Variants in SGCB observed in about 807,000 individuals in gnomAD.
The protein encoded by SGCB is beta-sarcoglycan.
A neutral mutation model predicts 27.3 loss-of-function variants in SGCB; 25 were observed. The ratio of observed to expected loss-of-function variants is 0.92; its 90% CI spans 0.67 to 1.28. The LOEUF (loss-of-function observed/expected upper bound fraction) is 1.28, where lower values mean the gene tolerates loss of function less well. Among genes scored for constraint, SGCB ranks in the 50% most tolerant of loss-of-function variants. The pLI, the probability that SGCB is intolerant of heterozygous loss-of-function variation, is 0.00. For missense variants in SGCB, 436 were observed against 402.1 expected (o/e 1.08, Z -0.72); for synonymous variants, 147 against 133.5 (o/e 1.10, Z -0.70).
intron 5 of SGCB, among the ~76,000 whole-genome samples, chr4:52,024,827 CAAAAAAAAAAAAAAAAA>C (rs3050627): frequency 1.8e-5 from 1 of 55,878 alleles, no homozygotes; most frequent in Admixed American, 2.5e-4. Flanking sequence ...GACACTGTCT[CAAAAAAAAAAAAAAAAA>C]AAAAAAAAAA....
At chr4:52,033,709 C>A in intron 1 of SGCB, 69 bp from the exon 2 acceptor site, 2 of 1,182,936 alleles carry the variant, frequency 1.7e-6, no homozygotes, top group Non-Finnish European at 2.5e-6. Flanking sequence ...CTATTAGGTG[C>A]AAATTCATAG....
chr4:52,030,584 G>A (rs1190952032), intron 2 of SGCB, among the ~76,000 whole-genome samples: 2 of 152,080 alleles, frequency 1.3e-5, no homozygotes, highest in African/African-American at 4.8e-5. Flanking sequence ...CTGTAGGTCT[G>A]AGCCTCTCAG....
Position 52,029,835 on chromosome 4 carries a change from C to G in SGCB, c.272G>C (p.Arg91Pro), listed in dbSNP as rs104893869. Residue 91 changes from arginine to proline, a missense_variant, in exon 3 of 6, where the codon CGC becomes CCC. Arg to Pro is a moderately radical substitution (Grantham distance 103). Coordinates refer to ENST00000381431, the MANE Select transcript of SGCB (RefSeq NM_000232.5). Reference protein sequence around the residue: ...IITLVIWAVIRIGPNGCDSME... With the variant: ...IITLVIWAVIPIGPNGCDSME... ...ACTATCACAGCCATTTGGTCCAATG[C>G]GAATCACGGCCCAAATAACAAGTGT... is the stretch of plus-strand genomic sequence containing the variant. 1 of 1,613,542 alleles carries G rather than the reference C, an allele frequency of 6.2e-7. No individual in the cohort carries two copies. Among genetic ancestry groups the G allele is most frequent in the Non-Finnish European group, 8.5e-7 (1 of 1,179,684 alleles).
At chr4:52,032,049 T>C (rs1370341466) in intron 2 of SGCB, 5 of 437,076 alleles carry the variant, frequency 1.1e-5, no homozygotes, top group African/African-American at 8.2e-5. Context: ...ACCCAACCCC[T>C]ACCCTCCAGT....
intron 5 of SGCB, among the ~76,000 whole-genome samples, chr4:52,027,223 T>C (rs1737122269): frequency 6.6e-6 from 1 of 152,142 alleles, no homozygotes; most frequent in African/African-American, 2.4e-5. Context: ...ATATTGCAGG[T>C]ACCCAAAGGC....
At chr4:52,031,880 G>T in intron 2 of SGCB, 1 of 455,964 alleles carries the variant, frequency 2.2e-6, no homozygotes, top group Non-Finnish European at 4.4e-6. Context: ...CTTGCCAAAT[G>T]ACAGTATCTT....
At chr4:52,028,253 T>C (rs1363984913) in intron 4 of SGCB, among the ~76,000 whole-genome samples, 154 bp from the exon 5 acceptor site, 1 of 152,250 alleles carries the variant, frequency 6.6e-6, no homozygotes, top group African/African-American at 2.4e-5. Context: ...TAAAGATGAC[T>C]TGATAATGAT....
At position 52,033,442 on chromosome 4, in the gene SGCB, T is replaced by A; in HGVS notation, c.232A>T (p.Ile78Phe). 6.2e-7 allele frequency: 1 copy of A among 1,609,236 alleles called. No homozygotes were observed. The highest frequency in any genetic ancestry group is 8.5e-7 in the Non-Finnish European group (1 of 1,175,532). The change falls in exon 2 of 6, where the codon ATC becomes TTC. Residue 78 changes from isoleucine (I) to phenylalanine (F), a missense_variant. By Grantham distance (21) the Ile-to-Phe change is conservative. Coordinates refer to ENST00000381431, the MANE Select transcript of SGCB (RefSeq NM_000232.5). ...VIILLFILAVINLIITLVIWA... is the reference protein window; with the variant it reads ...VIILLFILAVFNLIITLVIWA... ...TTACAAATACTCACTATTAAATTGA[T>A]GACAGCCAGGATAAACAAGAGGATA... is the stretch of plus-strand genomic sequence containing the variant.
Position 52,022,101 on chromosome 4 carries a change from T to C in SGCB, c.*1856A>G, listed in dbSNP as rs1398962286. The C allele has an allele frequency of 6.6e-6, 1 of 152,208 alleles. No homozygotes were observed. The highest frequency in any genetic ancestry group is 1.5e-5 in the Non-Finnish European group (1 of 68,040). 9.4% of individuals were successfully genotyped at this position (152,208 alleles called of 1,614,324 possible). ...CGGCATTTTTTTCTGAATTCAGACA[T>C]TAAATGATACTGAATATATTCAAAT... On this transcript the variant is annotated 3_prime_UTR_variant, in exon 6 of 6. Transcript: ENST00000381431.
At chr4:52,033,717 T>C in intron 1 of SGCB, 77 bp from the exon 2 acceptor site, 2 of 1,094,220 alleles carry the variant, frequency 1.8e-6, no homozygotes, top group South Asian at 1.2e-5. Context: ...TGCAAATTCA[T>C]AGCTATAGCA....
In SGCB at chr4:52,021,202, C is replaced by G. The variant is rs907260438; in HGVS notation, c.*2755G>C. On this transcript the variant is annotated 3_prime_UTR_variant, in exon 6 of 6. Transcript: ENST00000381431. ...AACTAGCATGTACCTGCGCCCCCTC[C>G]CGGGGTCCTATCTTTGTCACCCACC... 3 of 152,182 alleles carry G rather than the reference C, an allele frequency of 2.0e-5. No homozygotes were observed. Among genetic ancestry groups the G allele is most frequent in the African/African-American group, 7.2e-5 (3 of 41,436 alleles). 9.4% of individuals were successfully genotyped at this position (152,182 alleles called of 1,614,324 possible). A position where few individuals can be genotyped will look rare whatever the true frequency, so the allele number is the denominator to read the frequency against.
rs201931208 is a variant in SGCB at position 52,028,745 on chromosome 4, C to G, written c.606G>C (p.Lys202Asn). ...PSGVKSLNVQKASTERITSNA... is the reference protein window; with the variant it reads ...PSGVKSLNVQNASTERITSNA... Reference sequence around the variant, plus strand: ...TAAATCATACCCTTTCAGTAGATGCCTTTTGAACATTCAAACTTTTCACTC... The same window carrying G: ...TAAATCATACCCTTTCAGTAGATGCGTTTTGAACATTCAAACTTTTCACTC... Residue 202 changes from lysine to asparagine, a missense_variant, in exon 4 of 6, where the codon AAG becomes AAC. By Grantham distance (94) the Lys-to-Asn change is moderately conservative. Transcript: ENST00000381431. 8 of 1,611,486 alleles carry G rather than the reference C, an allele frequency of 5.0e-6. No homozygotes were observed. The highest frequency in any genetic ancestry group is 8.5e-7 in the Non-Finnish European group (1 of 1,177,854).
chr4:52,024,111 AGGC>A lies in SGCB; in HGVS notation c.800_802del (p.Arg267del). On this transcript the variant is annotated inframe_deletion, in exon 6 of 6. Coordinates refer to ENST00000381431, the MANE Select transcript of SGCB (RefSeq NM_000232.5). ...CTGGTCTCCACTGGAGGAACTGGGT[AGGC>A]GGGTGGTGCTGACCATCACAGATCC... is the stretch of plus-strand genomic sequence containing the variant. 6.2e-7 allele frequency: 1 copy of A among 1,614,176 alleles called. No homozygotes were observed. The highest frequency in any genetic ancestry group is 8.5e-7 in the Non-Finnish European group (1 of 1,180,020).
intron 5 of SGCB, among the ~76,000 whole-genome samples, chr4:52,027,368 A>G (rs1737125813): frequency 6.6e-6 from 1 of 152,080 alleles, no homozygotes; most frequent in South Asian, 2.1e-4. Context: ...TTCAACAGCC[A>G]CGATAAAGAC....
rs943840432 is a variant in SGCB, at chr4:52,028,818, A to G, written c.533T>C (p.Ile178Thr). The G allele has an allele frequency of 6.2e-7, 1 of 1,613,752 alleles. No individual in the cohort carries two copies. Residue 178 changes from isoleucine (I) to threonine (T), a missense_variant, in exon 4 of 6, where the codon ATC (isoleucine) becomes ACC (threonine). By Grantham distance (89) the Ile-to-Thr change is moderately conservative. Transcript: ENST00000381431. ...MQFFDPRTQN[I>T]LFSTDYETHE... ...AGTTTCATAGTCTGTGCTGAATAAG[A>G]TATTTTGAGTCCTCGGGTCAAAAAA...
rs528928990 is a variant in SGCB, at chr4:52,030,439, A to G, written c.244-576T>C. 2.6e-5 allele frequency among the ~76,000 whole-genome samples: 4 copies of G among 152,282 alleles called. No individual in the cohort carries two copies. The South Asian group carries it at 6.2e-4, about 24-fold the overall frequency. On this transcript the variant is annotated intron_variant, in intron 2 of 5. Coordinates refer to ENST00000381431, the MANE Select transcript of SGCB (RefSeq NM_000232.5). The stretch of plus-strand genomic sequence containing the variant: ...TAAATATTGTTCATTACCAAACCAA[A>G]TATGTCCTATAATGGCAGTTTCTTT...
chr4:52,030,928 T>C (rs1477426608), intron 2 of SGCB, among the ~76,000 whole-genome samples: 6 of 152,250 alleles, frequency 3.9e-5, no homozygotes, highest in Non-Finnish European at 5.9e-5. Context: ...TATACAATTC[T>C]AGATGGAAAA....
chr4:52,028,046 A>T lies in SGCB; in HGVS notation c.675T>A (p.Ile225=). The T allele has an allele frequency of 6.2e-7, 1 of 1,613,560 alleles. No individual in the cohort carries two copies. Residue 225 remains isoleucine (I), a synonymous_variant, in exon 5 of 6, where the codon ATT becomes ATA. Transcript: ENST00000381431. The stretch of plus-strand genomic sequence containing the variant: ...TGAATACACCTTCATTTCCACGCAC[A>T]ATAGCACGCCCATCAACTTTTATAT... ...DLNIKVDGRA[I]VRGNEGVFIM...
At chr4:52,031,990 C>A (rs553284433) in intron 2 of SGCB, 4 of 455,412 alleles carry the variant, frequency 8.8e-6, no homozygotes, top group African/African-American at 2.0e-5. Context: ...GAAAAGAGAG[C>A]GTGGGAAAGG....
Sources: allele counts gnomAD v4.1 joint callset (sites outside exome capture counted in the v4.1 genomes callset), GRCh38; gene constraint gnomAD v4.1.1; transcripts MANE v1.5; gene names NCBI Gene and HGNC (gene_info 2026-07-23, HGNC 2026-07-21).